Variants in ARMC3 observed in about 807,000 individuals in gnomAD.
ARMC3 encodes the protein armadillo repeat containing 3.
ARMC3 carries 74 observed loss-of-function variants against 90.3 expected under a neutral mutation model. The observed-to-expected ratio is 0.82, with a 90% CI of 0.68 to 0.99. ARMC3 has a LOEUF of 0.99. Among genes scored for constraint, ARMC3 ranks in the 50% least tolerant of loss-of-function variants. The probability of loss-of-function intolerance (pLI) is 0.00; values close to 1 mark genes in which losing one functional copy is unlikely to be tolerated. For synonymous variants in ARMC3, 334 were observed against 361.8 expected (o/e 0.92, Z 0.87); for missense variants, 958 against 1,042.8 (o/e 0.92, Z 1.12).
chr10:22,949,023 T>C (rs73600578), intron 3 of ARMC3, among the ~76,000 whole-genome samples: 4,116 of 152,212 alleles, frequency 0.027, 165 homozygotes, highest in African/African-American at 0.091. Context: ...AGGCAGAAAC[T>C]TCAGAATTCA....
At chr10:22,944,260 G>A (rs1181259452) in intron 2 of ARMC3, among the ~76,000 whole-genome samples, 1 of 152,038 alleles carries the variant, frequency 6.6e-6, no homozygotes, top group Non-Finnish European at 1.5e-5. Context: ...ATTTGCTGAG[G>A]TCTTTCTTCT....
At chr10:22,934,681 T>C (rs1834047273) in intron 2 of ARMC3, among the ~76,000 whole-genome samples, 1 of 152,210 alleles carries the variant, frequency 6.6e-6, no homozygotes, top group Non-Finnish European at 1.5e-5. Flanking sequence ...CTAACCTCTG[T>C]GCACCACAGT....
At position 22,981,431 on chromosome 10, in the gene ARMC3, T is replaced by C. The variant is rs764968677; in HGVS notation, c.1008T>C (p.Ala336=). 6.2e-7 allele frequency: 1 copy of C among 1,614,126 alleles called. No homozygotes were observed. The highest frequency in any genetic ancestry group is 8.5e-7 in the Non-Finnish European group (1 of 1,180,006). Residue 336 remains alanine, a synonymous_variant, in exon 9 of 19, where the codon GCT becomes GCC. Coordinates refer to ENST00000298032, the MANE Select transcript of ARMC3 (RefSeq NM_173081.5). The part of the protein sequence containing the change: ...GSENDGTKIA[A]SQAISAMCEN... ...AAAATGATGGAACTAAAATTGCTGC[T>C]TCCCAAGCTATTTCAGCAATGTGTG...
intron 2 of ARMC3, among the ~76,000 whole-genome samples, chr10:22,933,836 G>C (rs574799886): frequency 2.6e-5 from 4 of 152,160 alleles, no homozygotes; most frequent in African/African-American, 4.8e-5. Context: ...AGTGAGCTGA[G>C]ATCCCACCAC....
At chr10:22,938,516 C>T (rs889972432) in intron 2 of ARMC3, among the ~76,000 whole-genome samples, 1 of 152,074 alleles carries the variant, frequency 6.6e-6, no homozygotes, top group African/African-American at 2.4e-5. Context: ...TGGAGGTTGT[C>T]ACAGTAGTGC....
chr10:23,035,341 T>C (rs992094670), intron 18 of ARMC3, among the ~76,000 whole-genome samples: 5 of 152,156 alleles, frequency 3.3e-5, no homozygotes, highest in Non-Finnish European at 7.4e-5. Context: ...GGCTTCAACA[T>C]ATGAATTTGG....
chr10:22,987,413 T>A (rs1226228177), intron 10 of ARMC3, among the ~76,000 whole-genome samples: 3 of 152,226 alleles, frequency 2.0e-5, no homozygotes, highest in African/African-American at 7.2e-5. Flanking sequence ...TCAGTGTTTT[T>A]CACTTCCCTT....
At chr10:22,956,701 T>G (rs1415993301) in intron 4 of ARMC3, among the ~76,000 whole-genome samples, 1 of 148,496 alleles carries the variant, frequency 6.7e-6, no homozygotes, top group Non-Finnish European at 1.5e-5. Flanking sequence ...ATAATATATA[T>G]TGAATAATAT....
chr10:23,034,805 G>A (rs940512886), intron 18 of ARMC3, among the ~76,000 whole-genome samples: 3 of 152,142 alleles, frequency 2.0e-5, no homozygotes, highest in Non-Finnish European at 4.4e-5. Flanking sequence ...ACACTCTTCT[G>A]TTCTCCCTTT....
intron 1 of ARMC3, among the ~76,000 whole-genome samples, chr10:22,928,396 C>T (rs1833798573): frequency 6.6e-6 from 1 of 152,122 alleles, no homozygotes; most frequent in Admixed American, 6.6e-5. Flanking sequence ...CAGAAGTGGC[C>T]TCGATTTCTT....
chr10:23,015,240 G>A (rs1838222998), intron 16 of ARMC3, among the ~76,000 whole-genome samples: 1 of 152,098 alleles, frequency 6.6e-6, no homozygotes, highest in Non-Finnish European at 1.5e-5. Context: ...GGGTGACCAG[G>A]CACCATATTA....
At chr10:22,987,811 A>T (rs1808836966) in intron 10 of ARMC3, among the ~76,000 whole-genome samples, 1 of 151,976 alleles carries the variant, frequency 6.6e-6, no homozygotes, top group Non-Finnish European at 1.5e-5. Flanking sequence ...ACCCCTTTTG[A>T]CTTTCCATGA....
chr10:22,990,360 G>A lies in ARMC3; in HGVS notation c.1176-7788G>A, dbSNP rs193204510. On this transcript the variant is annotated intron_variant, in intron 10 of 18. Transcript: ENST00000298032. Reference sequence around the variant, plus strand: ...AACTGCCCCAGCTCTAGCTCTGCAGGTGTAGGAGATTTTGCTGTTTAGCTA... The same window carrying A: ...AACTGCCCCAGCTCTAGCTCTGCAGATGTAGGAGATTTTGCTGTTTAGCTA... Among the ~76,000 whole-genome samples, 9 of 152,280 alleles carry A rather than the reference G, an allele frequency of 5.9e-5. No homozygotes were observed. In the South Asian group the frequency reaches 1.0e-3, roughly 18 times the overall value.
Position 22,998,254 on chromosome 10 carries a change from C to T in ARMC3, c.1282C>T (p.Gln428Ter). ...TACAGTATTAACAAACATGGCCATG[C>T]AGGAGCCCCTGCGCCTGAACATACA... The part of the protein sequence containing the change: ...AATVLTNMAM[Q>*]EPLRLNIQNH... Residue 428 changes from glutamine (Q) to a stop codon, truncating the protein, a stop_gained, in exon 11 of 19, where the codon CAG (glutamine) becomes TAG (stop). Transcript: ENST00000298032. LOFTEE classifies it high-confidence loss of function. 1 of 1,612,340 alleles carries T rather than the reference C, an allele frequency of 6.2e-7. No homozygotes were observed. The highest frequency in any genetic ancestry group is 8.5e-7 in the Non-Finnish European group (1 of 1,179,080).
Position 22,955,914 on chromosome 10 carries a change from G to A in ARMC3, c.274G>A (p.Gly92Arg). The A allele has an allele frequency of 1.2e-6, 2 of 1,605,456 alleles. No homozygotes were observed. The highest frequency in any genetic ancestry group is 1.7e-6 in the Non-Finnish European group (2 of 1,172,848). ...AAGAAGAAATGCTACTATGATATTT[G>A]GAATCCTGGCTTCTAATAGTAAGTA... ...IVRRNATMIFGILASNNDVKK... is the reference protein window; with the variant it reads ...IVRRNATMIFRILASNNDVKK... The change falls in exon 4 of 19, where the codon GGA becomes AGA. Residue 92 changes from glycine (G) to arginine (R), a missense_variant. By Grantham distance (125) the Gly-to-Arg change is moderately radical (BLOSUM62 -2). Coordinates refer to ENST00000298032, the MANE Select transcript of ARMC3 (RefSeq NM_173081.5).
At chr10:22,959,183 T>C in intron 5 of ARMC3, 45 bp downstream of exon 5, 1 of 1,512,980 alleles carries the variant, frequency 6.6e-7, no homozygotes, top group East Asian at 2.3e-5. Flanking sequence ...GAACTGGTTT[T>C]TTACACTTGA....
At chr10:23,004,267 T>G (rs1481985891) in intron 13 of ARMC3, among the ~76,000 whole-genome samples, 1 of 152,192 alleles carries the variant, frequency 6.6e-6, no homozygotes, top group African/African-American at 2.4e-5. Flanking sequence ...TTTCTACTTC[T>G]TCTGGAAACC....
intron 17 of ARMC3, among the ~76,000 whole-genome samples, chr10:23,032,214 G>A (rs768566239): frequency 6.6e-6 from 1 of 152,126 alleles, no homozygotes; most frequent in Non-Finnish European, 1.5e-5. Flanking sequence ...CTAATATTAG[G>A]AGAAATCCAC....
chr10:22,930,195 C>T (rs1265293203), intron 1 of ARMC3, among the ~76,000 whole-genome samples: 4 of 151,790 alleles, frequency 2.6e-5, no homozygotes, highest in African/African-American at 4.8e-5. Flanking sequence ...TAGTTTCTGC[C>T]TCTCTGCCTG....
Sources: allele counts gnomAD v4.1 joint callset (sites outside exome capture counted in the v4.1 genomes callset), GRCh38; gene constraint gnomAD v4.1.1; transcripts MANE v1.5; gene names NCBI Gene and HGNC (gene_info 2026-07-23, HGNC 2026-07-21).